Variants in AFF4 observed in about 807,000 individuals in gnomAD.
AFF4 encodes AF4/FMR2 family member 4.
In AFF4, 13 loss-of-function variants were observed where a neutral mutation model predicts 124.8. That is an observed-to-expected ratio of 0.10 (90% CI 0.07 to 0.17). The LOEUF (loss-of-function observed/expected upper bound fraction) is 0.17. Among genes scored for constraint, AFF4 ranks in the 10% least tolerant of loss-of-function variants. AFF4 has a pLI of 1.00. For synonymous variants in AFF4, 477 were observed against 496.1 expected (o/e 0.96, Z 0.51); for missense variants, 1,092 against 1,403.8 (o/e 0.78, Z 3.55).
intron 5 of AFF4, among the ~76,000 whole-genome samples, chr5:132,904,901 T>G (rs528101553): frequency 3.4e-4 from 52 of 151,798 alleles, no homozygotes; most frequent in Non-Finnish European, 4.1e-4. Context: ...ATACAAAAAT[T>G]AGTTGGGCGT....
rs1032779300 is a variant in AFF4 at position 132,884,702 on chromosome 5, C to T, written c.3143+374G>A. ...TGGGAGATAGGTGGGATGAAAGTGA[C>T]GTGGAGATGAAGGAGAAATCACAAT... On this transcript the variant is annotated intron_variant, in intron 19 of 20. Coordinates refer to ENST00000265343, the MANE Select transcript of AFF4 (RefSeq NM_014423.4). Among the ~76,000 whole-genome samples, 9 of 152,028 alleles carry T rather than the reference C, an allele frequency of 5.9e-5. No individual in the cohort carries two copies. The East Asian group carries it at 1.5e-3, about 26-fold the overall frequency.
intron 8 of AFF4, 121 bp downstream of exon 8, chr5:132,899,466 G>T: frequency 1.1e-6 from 1 of 895,886 alleles, no homozygotes; most frequent in Non-Finnish European, 1.6e-6. Flanking sequence ...CAACATTTCA[G>T]TGTCAGAAAG....
intron 1 of AFF4, among the ~76,000 whole-genome samples, chr5:132,951,033 TG>T (rs1458480623): frequency 1.3e-5 from 2 of 152,174 alleles, no homozygotes; most frequent in Non-Finnish European, 2.9e-5. Flanking sequence ...AAGACCAGCC[TG>T]GCCAACATGG....
chr5:132,952,282 T>A (rs1159954826), intron 1 of AFF4, among the ~76,000 whole-genome samples: 2 of 152,250 alleles, frequency 1.3e-5, no homozygotes, highest in Non-Finnish European at 2.9e-5. Context: ...CAACATTCTG[T>A]TTCCAATTTC....
intron 1 of AFF4, chr5:132,943,081 G>T: frequency 5.4e-6 from 1 of 186,590 alleles, no homozygotes; most frequent in Non-Finnish European, 1.2e-5. Context: ...CCAAGACAAA[G>T]ATTTTTTAAA....
chr5:132,941,476 G>C (rs1232851629), intron 1 of AFF4, among the ~76,000 whole-genome samples: 1 of 152,028 alleles, frequency 6.6e-6, no homozygotes, highest in Non-Finnish European at 1.5e-5. Context: ...TGGAATTACA[G>C]GCACACACCA....
chr5:132,896,707 C>T lies in AFF4; in HGVS notation c.1923G>A (p.Arg641=). 6.2e-7 allele frequency: 1 copy of T among 1,614,006 alleles called. No individual in the cohort carries two copies. The highest frequency in any genetic ancestry group is 1.3e-5 in the African/African-American group (1 of 74,964). The change falls in exon 11 of 21, where the codon AGG becomes AGA. Residue 641 remains arginine, a synonymous_variant. Transcript: ENST00000265343. ...KSTSKSSQKS[R]EIIETDTSSS... ...ATGAGGTATCTGTTTCTATGATTTC[C>T]CTTGATTTCTGGGAAGATTTACTTG... is the stretch of plus-strand genomic sequence containing the variant.
intron 5 of AFF4, among the ~76,000 whole-genome samples, chr5:132,918,197 A>G (rs1029135981): frequency 5.3e-5 from 8 of 151,598 alleles, no homozygotes; most frequent in Admixed American, 1.3e-4. Flanking sequence ...GTTCGAGACT[A>G]TCCTGGCCAA....
intron 1 of AFF4, among the ~76,000 whole-genome samples, chr5:132,949,875 T>G (rs989589455): frequency 6.9e-6 from 1 of 144,104 alleles, no homozygotes; most frequent in African/African-American, 2.6e-5. Flanking sequence ...AAAGTAAAAA[T>G]TAGCCAGGAA....
intron 5 of AFF4, among the ~76,000 whole-genome samples, chr5:132,904,820 G>C (rs1760633191): frequency 6.6e-6 from 1 of 152,052 alleles, no homozygotes; most frequent in Admixed American, 6.5e-5. Flanking sequence ...GGAGGCCGAG[G>C]CTGGCGGATC....
chr5:132,936,766 T>C (rs756614715), intron 2 of AFF4, among the ~76,000 whole-genome samples: 1 of 152,176 alleles, frequency 6.6e-6, no homozygotes. Context: ...AGGAGGTGGG[T>C]TGGAAAACGA....
chr5:132,899,046 A>C, intron 9 of AFF4, 58 bp downstream of exon 9: 1 of 1,457,018 alleles, frequency 6.9e-7, no homozygotes, highest in Non-Finnish European at 9.6e-7. Flanking sequence ...ATATCCCTGC[A>C]ATGTTATCAG....
chr5:132,952,121 G>A (rs770135151), intron 1 of AFF4, among the ~76,000 whole-genome samples: 2 of 152,162 alleles, frequency 1.3e-5, no homozygotes, highest in Non-Finnish European at 1.5e-5. Flanking sequence ...GTACCAATGA[G>A]TGAGAGTTCT....
At chr5:132,948,940 T>C (rs1042797721) in intron 1 of AFF4, among the ~76,000 whole-genome samples, 9 of 152,114 alleles carry the variant, frequency 5.9e-5, no homozygotes, top group Non-Finnish European at 1.0e-4. Flanking sequence ...GTACTTAACC[T>C]AAACTGTGCT....
intron 14 of AFF4, 92 bp from the exon 15 acceptor site, chr5:132,888,252 C>A: frequency 2.2e-6 from 2 of 912,658 alleles, no homozygotes; most frequent in Non-Finnish European, 3.2e-6. Context: ...TTTTTATGTC[C>A]TCAAGCAAAG....
chr5:132,895,058 A>G (rs1430964179), intron 11 of AFF4, among the ~76,000 whole-genome samples: 1 of 152,238 alleles, frequency 6.6e-6, no homozygotes, highest in African/African-American at 2.4e-5. Context: ...CTTCCAAAAG[A>G]GCAGAGTCTA....
intron 1 of AFF4, chr5:132,943,974 C>A: frequency 6.4e-6 from 1 of 155,828 alleles, no homozygotes; most frequent in South Asian, 2.0e-4. Context: ...CTGGCAAGCC[C>A]ACACGTGTGT....
chr5:132,913,207 T>C (rs1258421973), intron 5 of AFF4, among the ~76,000 whole-genome samples: 6 of 152,184 alleles, frequency 3.9e-5, no homozygotes, highest in South Asian at 2.1e-4. Context: ...GGTTGTTTCA[T>C]AGTAATAAAG....
At chr5:132,932,245 A>T (rs771270358) in intron 3 of AFF4, 23 bp from the exon 4 acceptor site, 1 of 1,593,950 alleles carries the variant, frequency 6.3e-7, no homozygotes, top group Non-Finnish European at 8.5e-7. Context: ...AGCAGCACAC[A>T]TTAGATTTTT....
Sources: gnomAD v4.1 joint callset for allele counts (sites outside exome capture counted in the v4.1 genomes callset) on GRCh38, gnomAD v4.1.1 for gene constraint, MANE v1.5 for transcripts, NCBI Gene and HGNC (gene_info 2026-07-23, HGNC 2026-07-21) for gene names.